Variants in CLCN3 observed in about 807,000 individuals in gnomAD.
CLCN3 encodes the protein H(+)/Cl(-) exchange transporter 3.
CLCN3 carries 16 observed loss-of-function variants against 83.4 expected under a neutral mutation model. That is an observed-to-expected ratio of 0.19 (90% CI 0.13 to 0.29). CLCN3 has a LOEUF of 0.29. Among genes scored for constraint, CLCN3 ranks in the 10% least tolerant of loss-of-function variants. The pLI is 1.00. For synonymous variants in CLCN3, 322 were observed against 346.2 expected (o/e 0.93, Z 0.78); for missense variants, 544 against 1,006.0 (o/e 0.54, Z 6.21).
chr4:169,681,884 T>G (rs913056287), intron 3 of CLCN3, among the ~76,000 whole-genome samples: 15 of 152,224 alleles, frequency 9.9e-5, no homozygotes, highest in Admixed American at 2.6e-4. Flanking sequence ...TCATATCTGC[T>G]TTTGCAGTCA....
intron 1 of CLCN3, among the ~76,000 whole-genome samples, chr4:169,628,656 G>A (rs1280446645): frequency 1.3e-5 from 2 of 152,158 alleles, no homozygotes; most frequent in Non-Finnish European, 2.9e-5. Context: ...ACCAAATGCT[G>A]GCAACGAGGT....
At chr4:169,638,465 G>A (rs1191040853) in intron 2 of CLCN3, among the ~76,000 whole-genome samples, 1 of 148,268 alleles carries the variant, frequency 6.7e-6, no homozygotes, top group East Asian at 2.0e-4. Context: ...GCTGTTATTT[G>A]TCATTTGCTG....
At chr4:169,657,470 G>A (rs1331413606) in intron 2 of CLCN3, among the ~76,000 whole-genome samples, 1 of 148,818 alleles carries the variant, frequency 6.7e-6, no homozygotes, top group Non-Finnish European at 1.5e-5. Context: ...AGATTTAAAG[G>A]CAAAAAATTG....
At chr4:169,711,394 A>T (rs1275591499) in intron 11 of CLCN3, among the ~76,000 whole-genome samples, 1 of 151,782 alleles carries the variant, frequency 6.6e-6, no homozygotes. Flanking sequence ...ACGGAGTTTC[A>T]CTCTTGTTGC....
intron 7 of CLCN3, among the ~76,000 whole-genome samples, chr4:169,695,312 G>A (rs1230283349): frequency 5.3e-5 from 8 of 152,200 alleles, no homozygotes; most frequent in African/African-American, 1.7e-4. Flanking sequence ...ACAAACATAC[G>A]TCTTGAAAAT....
At position 169,723,421 on chromosome 4, in the gene CLCN3, T is replaced by C. The variant is rs1733698301; in HGVS notation, c.*3424T>C. 1 of 152,096 alleles carries C rather than the reference T, an allele frequency of 6.6e-6. No homozygotes were observed. The highest frequency in any genetic ancestry group is 1.5e-5 in the Non-Finnish European group (1 of 68,030). 9.4% of individuals were successfully genotyped at this position (152,096 alleles called of 1,614,324 possible). ...CCAGCAATGGTTTAGCGCCCCCATT[T>C]GTCAGTGAAAGCTGCAGGTCCACAG... On this transcript the variant is annotated 3_prime_UTR_variant, in exon 13 of 13. Transcript: ENST00000513761.
intron 2 of CLCN3, among the ~76,000 whole-genome samples, chr4:169,674,653 A>T (rs34607126): frequency 0.17 from 25,886 of 152,118 alleles, 2,823 homozygotes; most frequent in South Asian, 0.3. Context: ...TTGGCCAAGA[A>T]TGGTATCAAT....
chr4:169,644,266 T>A (rs920243461), intron 2 of CLCN3, among the ~76,000 whole-genome samples: 1 of 151,662 alleles, frequency 6.6e-6, no homozygotes, highest in African/African-American at 2.4e-5. Context: ...TGCTTTTTTT[T>A]TTCTTTTTTT....
chr4:169,695,775 T>G (rs972285569), intron 8 of CLCN3, 83 bp downstream of exon 8: 2 of 859,808 alleles, frequency 2.3e-6, no homozygotes, highest in African/African-American at 3.5e-5. Context: ...TTGTAGGTGA[T>G]GTAATAGGTA....
rs528277164 is a variant in CLCN3, at chr4:169,625,201, C to A, written c.-17+4138C>A. Among the ~76,000 whole-genome samples, 12 of 152,320 alleles carry A rather than the reference C, an allele frequency of 7.9e-5. 1 individual carries two copies. In the South Asian group the frequency reaches 1.7e-3, roughly 21 times the overall value. On this transcript the variant is annotated intron_variant, in intron 1 of 12. Transcript: ENST00000513761. ...GCTCAGATTTTCACCTCTCTGCCAT[C>A]GTTGCTCTTGAGACTTTTGTTCCAT...
intron 11 of CLCN3, among the ~76,000 whole-genome samples, chr4:169,709,574 A>G (rs1356605331): frequency 6.6e-6 from 1 of 151,906 alleles, no homozygotes; most frequent in African/African-American, 2.4e-5. Context: ...AATTCCAGCT[A>G]CTTGGGAGGC....
intron 2 of CLCN3, among the ~76,000 whole-genome samples, chr4:169,657,045 A>G (rs1437975006): frequency 1.3e-5 from 2 of 152,182 alleles, no homozygotes; most frequent in African/African-American, 4.8e-5. Flanking sequence ...CTGGTCACTT[A>G]CTTTAATTAA....
intron 6 of CLCN3, 38 bp downstream of exon 6, chr4:169,690,690 A>T (rs372751132): frequency 2.0e-5 from 31 of 1,572,922 alleles, no homozygotes; most frequent in Non-Finnish European, 2.7e-5. Context: ...AAACATTATT[A>T]TGATGCTTAT....
At chr4:169,659,803 TCA>T (rs1196311924) in intron 2 of CLCN3, among the ~76,000 whole-genome samples, 1 of 152,130 alleles carries the variant, frequency 6.6e-6, no homozygotes, top group Non-Finnish European at 1.5e-5. Flanking sequence ...TGGCTATGAC[TCA>T]CATGACATTA....
At chr4:169,709,454 C>T (rs895291043) in intron 11 of CLCN3, among the ~76,000 whole-genome samples, 5 of 151,702 alleles carry the variant, frequency 3.3e-5, no homozygotes, top group Admixed American at 1.3e-4. Context: ...GAAGCTGAAG[C>T]AGGTGGATCA....
chr4:169,688,902 G>GA, intron 4 of CLCN3, 141 bp from the exon 5 acceptor site: 1 of 595,292 alleles, frequency 1.7e-6, no homozygotes, highest in Non-Finnish European at 2.8e-6. Context: ...ACTAAAATTT[G>GA]AAAATCTTAA....
intron 1 of CLCN3, among the ~76,000 whole-genome samples, chr4:169,632,698 CAG>C (rs1773405766): frequency 8.9e-6 from 1 of 112,300 alleles, no homozygotes; most frequent in Non-Finnish European, 1.6e-5. Context: ...GCCTGGGTGA[CAG>C]AGCGAGACTC....
chr4:169,667,607 G>A (rs1179164899), intron 2 of CLCN3, among the ~76,000 whole-genome samples: 1 of 152,046 alleles, frequency 6.6e-6, no homozygotes, highest in Non-Finnish European at 1.5e-5. Flanking sequence ...CCTGAACTAT[G>A]AGATGCATGA....
chr4:169,662,000 A>G (rs1338886303), intron 2 of CLCN3, among the ~76,000 whole-genome samples: 1 of 152,170 alleles, frequency 6.6e-6, no homozygotes, highest in Non-Finnish European at 1.5e-5. Flanking sequence ...GTTGTTAATG[A>G]TGATAGATCA....
Sources: gnomAD v4.1 joint callset for allele counts (sites outside exome capture counted in the v4.1 genomes callset) on GRCh38, gnomAD v4.1.1 for gene constraint, MANE v1.5 for transcripts, NCBI Gene and HGNC (gene_info 2026-07-23, HGNC 2026-07-21) for gene names.